PRC1: variants seen among roughly 807,000 people sequenced by gnomAD.
PRC1 encodes protein regulator of cytokinesis 1.
In PRC1, 54 loss-of-function variants were observed where a neutral mutation model predicts 91.2. The ratio of observed to expected loss-of-function variants is 0.59; its 90% CI spans 0.48 to 0.74. The LOEUF (loss-of-function observed/expected upper bound fraction) is 0.74, where lower values mean the gene tolerates loss of function less well. PRC1 is among the 30% of genes least tolerant of loss of function. The pLI is 0.00. For missense variants in PRC1, 727 were observed against 746.2 expected (o/e 0.97, Z 0.30); for synonymous variants, 275 against 263.6 (o/e 1.04, Z -0.42).
chr15:90,968,639 A>C (rs1373013417), intron 14 of PRC1: 1 of 1,004,026 alleles, frequency 1.0e-6, no homozygotes. Context: ...GCTAGCTGAG[A>C]ATAGAGCTGG....
At chr15:90,973,963 T>G (rs1048355572) in intron 11 of PRC1, 173 bp downstream of exon 11, 2 of 588,384 alleles carry the variant, frequency 3.4e-6, no homozygotes, top group Non-Finnish European at 6.1e-6. Context: ...GCTGGTCCCC[T>G]GGGCCCACTG....
At chr15:90,990,369 T>A (rs2039897242) in intron 1 of PRC1, among the ~76,000 whole-genome samples, 1 of 140,182 alleles carries the variant, frequency 7.1e-6, no homozygotes, top group Admixed American at 7.0e-5. Flanking sequence ...AAAAATAAAA[T>A]AAATAAATAA....
chr15:90,969,620 C>T lies in PRC1; in HGVS notation c.1576G>A (p.Val526Ile). The change falls in exon 13 of 15, where the codon GTC becomes ATC. Residue 526 changes from valine to isoleucine, a missense_variant. Val to Ile is a conservative substitution (Grantham distance 29). Transcript: ENST00000394249. The part of the protein sequence containing the change: ...SRLPPSGSKP[V>I]AASTCSGKKT... The stretch of plus-strand genomic sequence containing the variant: ...TTCCCTGAACAGGTGGAAGCAGCGA[C>T]TGGCTGCAGAGAAAGGAAAGAGATC... The T allele has an allele frequency of 1.3e-6, 2 of 1,593,192 alleles. No individual in the cohort carries two copies. The highest frequency in any genetic ancestry group is 2.2e-5 in the East Asian group (1 of 44,598).
intron 1 of PRC1, among the ~76,000 whole-genome samples, chr15:90,985,374 G>C (rs1367742323): frequency 1.3e-5 from 2 of 151,638 alleles, no homozygotes; most frequent in Non-Finnish European, 2.9e-5. Context: ...GGGACTATAG[G>C]CAGGTGCTAC....
At chr15:90,988,939 G>T (rs141663975) in intron 1 of PRC1, among the ~76,000 whole-genome samples, 14 of 152,240 alleles carry the variant, frequency 9.2e-5, no homozygotes, top group African/African-American at 3.4e-4. Context: ...GCCTATCTCT[G>T]TAACACATCT....
Position 90,981,987 on chromosome 15 carries a change from TAA to T in PRC1, c.268-8_268-7del, listed in dbSNP as rs1323740439. ...ATGGTCGTCTCTCCTTCTTCCTGAA[TAA>T]GACAACGTACCACTGTTATAAGATT... On this transcript the variant is annotated splice_polypyrimidine_tract_variant and splice_region_variant and intron_variant, in intron 3 of 14. Coordinates refer to ENST00000394249, the MANE Select transcript of PRC1 (RefSeq NM_003981.4). 8.1e-6 allele frequency: 13 copies of T among 1,608,616 alleles called. No individual in the cohort carries two copies. Among genetic ancestry groups the T allele is most frequent in the Non-Finnish European group, 1.1e-5 (13 of 1,175,614 alleles).
chr15:90,970,369 A>C (rs1271759976), intron 12 of PRC1, 35 bp downstream of exon 12: 1 of 1,462,530 alleles, frequency 6.8e-7, no homozygotes, highest in South Asian at 1.1e-5. Context: ...CTAGGGACGC[A>C]TGTGAGGATG....
chr15:90,970,628 GT>G, intron 11 of PRC1, 114 bp from the exon 12 acceptor site: 2 of 733,988 alleles, frequency 2.7e-6, no homozygotes, highest in Non-Finnish European at 4.7e-6. Context: ...GGGAAGACGG[GT>G]TTACATGGTG....
chr15:90,988,538 C>G (rs1015008889), intron 1 of PRC1: 1 of 152,272 alleles, frequency 6.6e-6, no homozygotes, highest in Non-Finnish European at 1.5e-5. Context: ...CTAATCTCTC[C>G]CACTTGACAC....
At chr15:90,972,940 C>T (rs2038292769) in intron 11 of PRC1, 1 of 152,322 alleles carries the variant, frequency 6.6e-6, no homozygotes, top group South Asian at 2.1e-4. Context: ...ATCATTCCCC[C>T]ACCGCACCCC....
chr15:90,977,711 G>T lies in PRC1; in HGVS notation c.1108-940C>A, dbSNP rs369139038. On this transcript the variant is annotated intron_variant, in intron 8 of 14. Transcript: ENST00000394249. ...CCATTCTCCTGCCTCAGCCTCCCGAGTAGCTGGGACTACAAGTGCCCGCCA... is the reference window on the plus strand; with the variant it reads ...CCATTCTCCTGCCTCAGCCTCCCGATTAGCTGGGACTACAAGTGCCCGCCA... 1.6e-4 allele frequency among the ~76,000 whole-genome samples: 24 copies of T among 150,784 alleles called. No individual in the cohort carries two copies. In the East Asian group the frequency reaches 4.8e-3, roughly 30 times the overall value.
At chr15:90,986,442 G>A (rs997061877) in intron 1 of PRC1, among the ~76,000 whole-genome samples, 1 of 152,140 alleles carries the variant, frequency 6.6e-6, no homozygotes, top group Non-Finnish European at 1.5e-5. Context: ...GGCCAACATG[G>A]GGAAACCCTG....
rs558141375 is a variant in PRC1 at position 90,983,764 on chromosome 15, C to T, written c.267+254G>A. On this transcript the variant is annotated intron_variant, in intron 3 of 14. Transcript: ENST00000394249. The stretch of plus-strand genomic sequence containing the variant: ...TATAAAAAAAAATTCATATTCCCTA[C>T]AAAGCAAAACTATGGTAAGCAGCAG... The T allele has an allele frequency of 9.5e-6, 3 of 315,830 alleles. No homozygotes were observed. The South Asian group carries it at 3.1e-4, about 32-fold the overall frequency. 19.6% of individuals were successfully genotyped at this position (315,830 alleles called of 1,614,324 possible).
rs377334316 is a variant in PRC1 at position 90,967,827 on chromosome 15, G to A, written c.1792-625C>T. ...TCAGAACATATCCCTGTCATTAAGC[G>A]AGGCATGACTCTACTTCACAGAGCT... On this transcript the variant is annotated intron_variant, in intron 14 of 14. Transcript: ENST00000394249. 2.5e-5 allele frequency: 25 copies of A among 984,252 alleles called. No individual in the cohort carries two copies. In the East Asian group the frequency reaches 3.4e-4, roughly 13 times the overall value. 61.0% of individuals were successfully genotyped at this position (984,252 alleles called of 1,614,324 possible). A position where few individuals can be genotyped will look rare whatever the true frequency, so the allele number is the denominator to read the frequency against.
Position 90,984,581 on chromosome 15 carries a change from G to C in PRC1, c.144+112C>G. ...AACCAAACCAAACCAAACAGGAAGA[G>C]CCTGTGCTATCCTAATGCCGATGAT... On this transcript the variant is annotated intron_variant, in intron 2 of 14. Transcript: ENST00000394249. The surrounding 1 kb of genome is among the most constrained non-coding windows in gnomAD (Gnocchi z 5.1). 6.9e-7 allele frequency: 1 copy of C among 1,452,688 alleles called. No individual in the cohort carries two copies. The highest frequency in any genetic ancestry group is 9.3e-7 in the Non-Finnish European group (1 of 1,074,406). 90.0% of individuals were successfully genotyped at this position (1,452,688 alleles called of 1,614,324 possible). A position where few individuals can be genotyped will look rare whatever the true frequency, so the allele number is the denominator to read the frequency against.
intron 9 of PRC1, among the ~76,000 whole-genome samples, chr15:90,975,828 A>C (rs904046233): frequency 2.0e-5 from 3 of 152,042 alleles, no homozygotes; most frequent in African/African-American, 7.2e-5. Flanking sequence ...TTGCGGGGGG[A>C]AAAAAGAAAG....
At chr15:90,990,383 AATAAATAATT>A (rs989006707) in intron 1 of PRC1, among the ~76,000 whole-genome samples, 1 of 133,204 alleles carries the variant, frequency 7.5e-6, no homozygotes, top group African/African-American at 3.5e-5. Context: ...TAAATAAATA[AATAAATAATT>A]TTTTTTTTTT....
chr15:90,979,071 A>C lies in PRC1; in HGVS notation c.1107+87T>G. ...TTAATGATAAAGATGGGGTATCAAA[A>C]GCCTGGCAAAGAACAAAGCTAACTG... On this transcript the variant is annotated intron_variant, in intron 8 of 14. Coordinates refer to ENST00000394249, the MANE Select transcript of PRC1 (RefSeq NM_003981.4). 4 of 1,443,692 alleles carry C rather than the reference A, an allele frequency of 2.8e-6. No homozygotes were observed. The South Asian group carries it at 5.7e-5, about 21-fold the overall frequency. 89.4% of individuals were successfully genotyped at this position (1,443,692 alleles called of 1,614,324 possible). A position where few individuals can be genotyped will look rare whatever the true frequency, so the allele number is the denominator to read the frequency against.
intron 11 of PRC1, among the ~76,000 whole-genome samples, chr15:90,970,890 A>T (rs2038061285): frequency 6.6e-6 from 1 of 152,260 alleles, no homozygotes; most frequent in Admixed American, 6.5e-5. Flanking sequence ...GGCAACAGCC[A>T]AATACCCATC....
Sources: gnomAD v4.1 joint callset for allele counts (sites outside exome capture counted in the v4.1 genomes callset) on GRCh38, gnomAD v4.1.1 for gene constraint, Gnocchi (gnomAD v3.1) non-coding constraint, MANE v1.5 for transcripts, NCBI Gene and HGNC (gene_info 2026-07-23, HGNC 2026-07-21) for gene names.